PTPRD: variants seen among roughly 807,000 people sequenced by gnomAD.
PTPRD encodes protein tyrosine phosphatase receptor type D, also known as receptor-type tyrosine-protein phosphatase delta.
A neutral mutation model predicts 214.5 loss-of-function variants in PTPRD; 34 were observed. That is an observed-to-expected ratio of 0.16 (90% CI 0.12 to 0.21). The LOEUF (loss-of-function observed/expected upper bound fraction) is 0.21, where lower values mean the gene tolerates loss of function less well. Ranked by LOEUF, PTPRD falls within the 10% of genes least tolerant of loss-of-function variation. PTPRD has a pLI of 1.00. For synonymous variants in PTPRD, 1,128 were observed against 845.7 expected (o/e 1.33, Z -5.79); for missense variants, 2,545 against 2,398.7 (o/e 1.06, Z -1.27).
At chr9:8,544,673 CT>C (rs2079478701) in intron 14 of PTPRD, among the ~76,000 whole-genome samples, 1 of 150,506 alleles carries the variant, frequency 6.6e-6, no homozygotes, top group African/African-American at 2.4e-5. Context: ...TTTCACCATG[CT>C]GGACAGGCTG....
intron 35 of PTPRD, 146 bp downstream of exon 35, chr9:8,436,440 TTTTAAG>T (rs2095353039): frequency 1.7e-6 from 1 of 579,032 alleles, no homozygotes; most frequent in African/African-American, 1.9e-5. Context: ...GTGCAGACAC[TTTTAAG>T]TTGACGGTTC....
At chr9:10,499,940 G>T (rs1819906457) in intron 2 of PTPRD, among the ~76,000 whole-genome samples, 1 of 151,870 alleles carries the variant, frequency 6.6e-6, no homozygotes, top group Non-Finnish European at 1.5e-5. Flanking sequence ...AGAGATTCCT[G>T]GAGGATGGAT....
intron 11 of PTPRD, among the ~76,000 whole-genome samples, chr9:8,955,325 C>T (rs1422377925): frequency 6.6e-6 from 1 of 151,798 alleles, no homozygotes; most frequent in African/African-American, 2.4e-5. Context: ...AACAGGAGAT[C>T]TTCAGATACC....
chr9:9,480,121 C>T (rs1404698180), intron 8 of PTPRD, among the ~76,000 whole-genome samples: 2 of 152,102 alleles, frequency 1.3e-5, no homozygotes, highest in African/African-American at 4.8e-5. Context: ...TTCCTGGGCA[C>T]ATTGAAAGAA....
At chr9:9,160,883 A>C (rs1009717197) in intron 10 of PTPRD, among the ~76,000 whole-genome samples, 1 of 152,204 alleles carries the variant, frequency 6.6e-6, no homozygotes, top group African/African-American at 2.4e-5. Context: ...AACAACATGA[A>C]TGAACCTGGA....
At chr9:9,929,181 G>A (rs150440390) in intron 5 of PTPRD, among the ~76,000 whole-genome samples, 535 of 152,226 alleles carry the variant, frequency 3.5e-3, no homozygotes, top group Admixed American at 5.6e-3. Context: ...TTTAGGATGT[G>A]CATACTGGGG....
chr9:9,930,023 G>C (rs1027488191), intron 5 of PTPRD, among the ~76,000 whole-genome samples: 2 of 152,194 alleles, frequency 1.3e-5, no homozygotes, highest in African/African-American at 4.8e-5. Context: ...CAGTCTGTAG[G>C]AAACAAAACA....
chr9:8,579,494 T>G (rs1225593180), intron 14 of PTPRD, among the ~76,000 whole-genome samples: 1 of 152,218 alleles, frequency 6.6e-6, no homozygotes, highest in Non-Finnish European at 1.5e-5. Context: ...CACTGACATT[T>G]ATTGATCACC....
At chr9:9,244,345 A>G (rs1227981304) in intron 9 of PTPRD, among the ~76,000 whole-genome samples, 78 of 152,250 alleles carry the variant, frequency 5.1e-4, no homozygotes, top group Non-Finnish European at 5.9e-5. Flanking sequence ...CCTAAGCCAA[A>G]AGAACAAAGC....
At chr9:10,473,367 T>C (rs2099043374) in intron 2 of PTPRD, among the ~76,000 whole-genome samples, 1 of 152,102 alleles carries the variant, frequency 6.6e-6, no homozygotes, top group African/African-American at 2.4e-5. Context: ...ATAGTTATGG[T>C]TGTGTCTGGA....
intron 8 of PTPRD, among the ~76,000 whole-genome samples, chr9:9,556,608 A>G (rs1430293672): frequency 6.6e-6 from 1 of 152,152 alleles, no homozygotes; most frequent in East Asian, 1.9e-4. Flanking sequence ...AATAATTTTC[A>G]GTAAGTTATT....
At chr9:9,914,356 G>T (rs1171216993) in intron 5 of PTPRD, among the ~76,000 whole-genome samples, 1 of 152,166 alleles carries the variant, frequency 6.6e-6, no homozygotes, top group Non-Finnish European at 1.5e-5. Context: ...CATGGGCCAG[G>T]AAAACAGCAA....
intron 8 of PTPRD, among the ~76,000 whole-genome samples, chr9:9,522,402 A>G (rs16929651): frequency 0.057 from 8,680 of 152,208 alleles, 856 homozygotes; most frequent in African/African-American, 0.2. Context: ...ATCTGGACAT[A>G]ATGAAAACAT....
intron 11 of PTPRD, among the ~76,000 whole-genome samples, chr9:8,934,905 C>T (rs567599867): frequency 1.3e-5 from 2 of 152,048 alleles, no homozygotes; most frequent in Admixed American, 6.6e-5. Flanking sequence ...AGCATAATGT[C>T]CTCCAGTTTC....
chr9:8,333,044 G>C (rs761491274), intron 43 of PTPRD, among the ~76,000 whole-genome samples: 3 of 152,134 alleles, frequency 2.0e-5, no homozygotes, highest in African/African-American at 2.4e-5. Context: ...TCATCACCTC[G>C]CCTGGTGGTT....
At chr9:8,665,093 G>A (rs1418886245) in intron 12 of PTPRD, among the ~76,000 whole-genome samples, 1 of 152,124 alleles carries the variant, frequency 6.6e-6, no homozygotes, top group Non-Finnish European at 1.5e-5. Flanking sequence ...AAATATGTTC[G>A]CTCATTCTCA....
intron 14 of PTPRD, among the ~76,000 whole-genome samples, chr9:8,596,520 T>G (rs1242638953): frequency 6.6e-6 from 1 of 152,040 alleles, no homozygotes; most frequent in Admixed American, 6.6e-5. Context: ...ACAAGAGGCC[T>G]GCAGAGGAGC....
intron 4 of PTPRD, among the ~76,000 whole-genome samples, chr9:10,032,625 C>G (rs1193892258): frequency 3.9e-5 from 6 of 152,156 alleles, no homozygotes; most frequent in African/African-American, 1.4e-4. Flanking sequence ...AACACACTTG[C>G]TACCTTGCAA....
At chr9:8,706,168 C>A (rs993528416) in intron 12 of PTPRD, among the ~76,000 whole-genome samples, 1 of 152,138 alleles carries the variant, frequency 6.6e-6, no homozygotes, top group Middle Eastern at 3.4e-3. Flanking sequence ...TAAGAAAGAA[C>A]ACTGAATTAA....
Sources: gnomAD v4.1 joint callset for allele counts (sites outside exome capture counted in the v4.1 genomes callset) on GRCh38, gnomAD v4.1.1 for gene constraint, MANE v1.5 for transcripts, NCBI Gene and HGNC (gene_info 2026-07-23, HGNC 2026-07-21) for gene names.